SART1: variants seen among roughly 807,000 people sequenced by gnomAD.
SART1 encodes spliceosome associated factor 1, recruiter of U4/U6.U5 tri-snRNP, also known as U4/U6.U5 tri-snRNP-associated protein 1.
Under a neutral mutation model 105.0 loss-of-function variants are expected in SART1, and 28 were observed. The ratio of observed to expected loss-of-function variants is 0.27; its 90% CI spans 0.20 to 0.37. The LOEUF is 0.37. Ranked by LOEUF, SART1 falls within the 10% of genes least tolerant of loss-of-function variation. The pLI, the probability that SART1 is intolerant of heterozygous loss-of-function variation, is 1.00. For missense variants in SART1, 894 were observed against 1,106.5 expected (o/e 0.81, Z 2.72); for synonymous variants, 472 against 462.9 (o/e 1.02, Z -0.25).
In SART1 at chr11:65,965,916, C is replaced by A. The variant is rs1855243152; in HGVS notation, c.768C>A (p.Gly256=). 1.9e-6 allele frequency: 3 copies of A among 1,614,078 alleles called. No individual in the cohort carries two copies. Among genetic ancestry groups the A allele is most frequent in the Admixed American group, 3.3e-5 (2 of 60,008 alleles). ...TGTACAGTGCCCGGGACCTGCAGGG[C>A]CTCACCGTGGAGCATGCCATTGATT... ...QDLYSARDLQ[G]LTVEHAIDSF... is the part of the protein sequence containing the mutation. The change falls in exon 7 of 20, where the codon GGC becomes GGA. Residue 256 remains glycine (G), a synonymous_variant. Transcript: ENST00000312397.
chr11:65,977,527 G>A (rs751938796), intron 15 of SART1, 36 bp from the exon 16 acceptor site: 5 of 1,579,300 alleles, frequency 3.2e-6, no homozygotes, highest in Admixed American at 1.7e-5. Context: ...TGTGGCTCTC[G>A]AGGGGTTGGG....
chr11:65,974,912 C>CGCCTGTAG (rs1187754125), intron 12 of SART1, among the ~76,000 whole-genome samples: 3 of 151,450 alleles, frequency 2.0e-5, no homozygotes, highest in Admixed American at 6.6e-5. Flanking sequence ...TGGTGGCGGG[C>CGCCTGTAG]GCCTGTAGTC....
At chr11:65,966,674 C>T in intron 9 of SART1, 118 bp downstream of exon 9, 1 of 1,225,412 alleles carries the variant, frequency 8.2e-7, no homozygotes, top group Non-Finnish European at 1.1e-6. Context: ...AGCGCTTGGC[C>T]TCGCGGGTGA....
intron 4 of SART1, 25 bp downstream of exon 4, chr11:65,965,243 C>T: frequency 6.2e-7 from 1 of 1,608,702 alleles, no homozygotes; most frequent in Non-Finnish European, 8.5e-7. Flanking sequence ...CCAGGGCAGG[C>T]AAGGGAAGGG....
At chr11:65,972,242 T>C (rs988361828) in intron 12 of SART1, among the ~76,000 whole-genome samples, 6 of 152,060 alleles carry the variant, frequency 3.9e-5, no homozygotes, top group African/African-American at 1.5e-4. Flanking sequence ...CAGTGTGGGA[T>C]TGCATAAGGA....
Position 65,968,981 on chromosome 11 carries a change from C to G in SART1, c.1572+1160C>G, listed in dbSNP as rs371313304. 4.7e-4 allele frequency among the ~76,000 whole-genome samples: 71 copies of G among 152,316 alleles called. 2 individuals carry two copies. In the South Asian group the frequency reaches 0.015, roughly 31 times the overall value. ...ACACTTTTAGCCCTACCCCACACTT[C>G]TCACCTAGGAAGAAGCCAAGAAAGC... On this transcript the variant is annotated intron_variant, in intron 12 of 19. Coordinates refer to ENST00000312397, the MANE Select transcript of SART1 (RefSeq NM_005146.5).
At chr11:65,975,074 A>ACAAT (rs1174626797) in intron 12 of SART1, among the ~76,000 whole-genome samples, 2 of 150,524 alleles carry the variant, frequency 1.3e-5, no homozygotes, top group African/African-American at 4.9e-5. Flanking sequence ...AAACAAACAA[A>ACAAT]CAAATGTTCC....
At chr11:65,969,393 G>C (rs1420201943) in intron 12 of SART1, among the ~76,000 whole-genome samples, 4 of 152,134 alleles carry the variant, frequency 2.6e-5, no homozygotes, top group Admixed American at 1.3e-4. Flanking sequence ...TGAACATAAG[G>C]GTTTCTAGCC....
chr11:65,975,658 A>G (rs1590643772), intron 12 of SART1, among the ~76,000 whole-genome samples: 1 of 152,212 alleles, frequency 6.6e-6, no homozygotes, highest in African/African-American at 2.4e-5. Flanking sequence ...CACCCGCCTC[A>G]GAAGATTTTT....
At chr11:65,969,474 A>G (rs552181689) in intron 12 of SART1, among the ~76,000 whole-genome samples, 26 of 152,298 alleles carry the variant, frequency 1.7e-4, no homozygotes, top group African/African-American at 6.3e-4. Flanking sequence ...TTAAGAAACA[A>G]GGTCTCGCTC....
At chr11:65,965,521 C>A in intron 5 of SART1, 74 bp downstream of exon 5, 2 of 1,454,022 alleles carry the variant, frequency 1.4e-6, no homozygotes, top group Non-Finnish European at 1.9e-6. Context: ...GGGGGCCAAC[C>A]CCAGAGAGGT....
chr11:65,977,426 G>C lies in SART1; in HGVS notation c.1946-137G>C, dbSNP rs1590645611. The C allele has an allele frequency of 5.6e-6, 4 of 716,122 alleles. No homozygotes were observed. In the East Asian group the frequency reaches 1.1e-4, roughly 19 times the overall value. 44.4% of individuals were successfully genotyped at this position (716,122 alleles called of 1,614,324 possible). A position where few individuals can be genotyped will look rare whatever the true frequency, so the allele number is the denominator to read the frequency against. On this transcript the variant is annotated intron_variant, in intron 15 of 19. Coordinates refer to ENST00000312397, the MANE Select transcript of SART1 (RefSeq NM_005146.5). The stretch of plus-strand genomic sequence containing the variant: ...GGGCTCATTTCTGCATCTTTGCTTT[G>C]CCTGTAGAACAGGCCTGATGGCTTT...
In SART1 at chr11:65,978,571, G is replaced by A. The variant is rs531279210; in HGVS notation, c.2173-29G>A. Reference sequence around the variant, plus strand: ...TGGCTCCGGCCCCACCCAGGGCCCTGCATCTCCTCTCATGCCCCGCGTCCC... The same window carrying A: ...TGGCTCCGGCCCCACCCAGGGCCCTACATCTCCTCTCATGCCCCGCGTCCC... On this transcript the variant is annotated intron_variant, in intron 17 of 19. Transcript: ENST00000312397. The surrounding 1 kb of genome is among the most constrained non-coding windows in gnomAD (Gnocchi z 6.8). 6.4e-5 allele frequency: 100 copies of A among 1,550,526 alleles called. No individual in the cohort carries two copies. The East Asian group carries it at 2.4e-3, about 37-fold the overall frequency.
intron 12 of SART1, among the ~76,000 whole-genome samples, chr11:65,969,823 A>G (rs1450482771): frequency 6.6e-6 from 1 of 152,234 alleles, no homozygotes; most frequent in African/African-American, 2.4e-5. Flanking sequence ...CCCGGGCTCA[A>G]GCAATTCTCC....
rs113428761 is a variant in SART1 at position 65,967,298 on chromosome 11, C to T, written c.1228C>T (p.Arg410Cys). ...GACCAAGCGGAGGGTGAAGAAAATC[C>T]GCAAGAAGGAGAAGGAGGTAGTAGT... The part of the protein sequence containing the change: ...KKTKRRVKKI[R>C]KKEKEVVVRA... The change falls in exon 10 of 20, where the codon CGC becomes TGC. Residue 410 changes from arginine (R) to cysteine (C), a missense_variant. By Grantham distance (180) the Arg-to-Cys change is radical. Around this residue, in one of 2 missense-constraint regions of SART1, gnomAD observed 712 missense variants for 778.2 expected, o/e 0.91. Coordinates refer to ENST00000312397, the MANE Select transcript of SART1 (RefSeq NM_005146.5). 11 of 1,613,958 alleles carry T rather than the reference C, an allele frequency of 6.8e-6. No homozygotes were observed. The highest frequency in any genetic ancestry group is 4.4e-5 in the South Asian group (4 of 91,072).
intron 2 of SART1, 121 bp downstream of exon 2, chr11:65,964,252 C>A: frequency 1.0e-6 from 1 of 962,800 alleles, no homozygotes; most frequent in Non-Finnish European, 1.6e-6. Flanking sequence ...TTGTTTAAAT[C>A]ATCTTAGCCA....
In SART1 at chr11:65,967,573, C is replaced by T. The variant is rs2134908180; in HGVS notation, c.1416C>T (p.Asp472=). ...PSDDTRVENM[D]ISDEEEGGAP... is the part of the protein sequence containing the mutation. Reference sequence around the variant, plus strand: ...ACGACACCCGAGTGGAGAACATGGACATCAGTGATGAGGGTGAGGGCCCGG... The same window carrying T: ...ACGACACCCGAGTGGAGAACATGGATATCAGTGATGAGGGTGAGGGCCCGG... The change falls in exon 11 of 20, where the codon GAC becomes GAT. Residue 472 remains aspartate (D), a synonymous_variant. Coordinates refer to ENST00000312397, the MANE Select transcript of SART1 (RefSeq NM_005146.5). The T allele has an allele frequency of 1.9e-6, 3 of 1,612,522 alleles. No individual in the cohort carries two copies. The highest frequency in any genetic ancestry group is 2.5e-6 in the Non-Finnish European group (3 of 1,179,916).
chr11:65,962,091 C>A lies in SART1; in HGVS notation c.311C>A (p.Ala104Asp). Residue 104 changes from alanine to aspartate, a missense_variant and splice_region_variant, in exon 1 of 20, where the codon GCC (alanine) becomes GAC (aspartate). Physicochemically the swap from Ala to Asp is moderately radical, Grantham distance 126. Around this residue, in one of 2 missense-constraint regions of SART1, gnomAD observed 712 missense variants for 778.2 expected, o/e 0.91. Coordinates refer to ENST00000312397, the MANE Select transcript of SART1 (RefSeq NM_005146.5). ...GAGAAGCGCGATGACGGCTACGAGG[C>A]CGGTGAGGAGGCGGGGCCTGCGCAG... ...KREKRDDGYE[A>D]AASSKTSSGD... 9.9e-7 allele frequency: 1 copy of A among 1,006,084 alleles called. No individual in the cohort carries two copies. The highest frequency in any genetic ancestry group is 1.5e-5 in the South Asian group (1 of 65,392). The allele number at this position is 1,006,084 out of a possible 1,614,324, so 62.3% of individuals were successfully genotyped here. A position where few individuals can be genotyped will look rare whatever the true frequency, so the allele number is the denominator to read the frequency against.
In SART1 at chr11:65,979,986, G is replaced by A. The variant is rs188752597; in HGVS notation, c.*956G>A. Among the ~76,000 whole-genome samples, 360 of 152,136 alleles carry A rather than the reference G, an allele frequency of 2.4e-3. 2 individuals are homozygous for A. Among genetic ancestry groups the A allele is most frequent in the Admixed American group, 4.1e-3 (63 of 15,272 alleles). On this transcript the variant is annotated 3_prime_UTR_variant, in exon 20 of 20. Coordinates refer to ENST00000312397, the MANE Select transcript of SART1 (RefSeq NM_005146.5). The stretch of plus-strand genomic sequence containing the variant: ...AGATTAGCCAGGCGTGGTGGTGAGC[G>A]CCTGTAGTCCCAGCTACTTGGGATG...
Sources: allele counts gnomAD v4.1 joint callset (sites outside exome capture counted in the v4.1 genomes callset), GRCh38; gene constraint gnomAD v4.1.1; regional missense constraint gnomAD v4.1.1; non-coding constraint Gnocchi (gnomAD v3.1); transcripts MANE v1.5; gene names NCBI Gene and HGNC (gene_info 2026-07-23, HGNC 2026-07-21).